CYREN: variants seen among roughly 807,000 people sequenced by gnomAD.
CYREN encodes the protein cell cycle regulator of NHEJ.
A neutral mutation model predicts 9.7 loss-of-function variants in CYREN; 7 were observed. The ratio of observed to expected loss-of-function variants is 0.72; its 90% CI spans 0.41 to 1.36. CYREN has a LOEUF of 1.36. Among genes scored for constraint, CYREN ranks in the 40% most tolerant of loss-of-function variants. The pLI, the probability that CYREN is intolerant of heterozygous loss-of-function variation, is 0.01. For synonymous variants in CYREN, 76 were observed against 77.9 expected, an observed-to-expected ratio of 0.98 and a Z score of 0.13; for missense variants, 215 against 198.1, an observed-to-expected ratio of 1.09 and a Z score of -0.51.
At chr7:135,148,115 C>T (rs1053072629) in intron 2 of CYREN, 28 of 455,658 alleles carry the variant, frequency 6.1e-5, no homozygotes, top group African/African-American at 5.4e-4. Context: ...AAGGGGGCAC[C>T]AGCTCAGGAC....
At chr7:135,169,125 G>C (rs1214747134) in intron 1 of CYREN, 65 bp from the exon 2 acceptor site, 1 of 545,082 alleles carries the variant, frequency 1.8e-6, no homozygotes, top group Non-Finnish European at 3.2e-6. Context: ...GTTACTGGTC[G>C]GTGCAGGGCA....
At chr7:135,168,077 G>A (rs934935622) in intron 2 of CYREN, 10 of 510,614 alleles carry the variant, frequency 2.0e-5, no homozygotes, top group African/African-American at 7.7e-5. Context: ...AAGGATGGCC[G>A]CCTCTGAAAC....
At chr7:135,142,149 C>T (rs1829464184) in intron 2 of CYREN, among the ~76,000 whole-genome samples, 1 of 150,318 alleles carries the variant, frequency 6.7e-6, no homozygotes, top group Non-Finnish European at 1.5e-5. Flanking sequence ...TGTGTCATGA[C>T]AGTAAAAGAA....
chr7:135,123,770 A>T (rs1438566063), intron 2 of CYREN, among the ~76,000 whole-genome samples: 1 of 152,234 alleles, frequency 6.6e-6, no homozygotes, highest in Non-Finnish European at 1.5e-5. Context: ...ATTTCAACCC[A>T]GAATTTCATA....
chr7:135,113,849 T>C (rs1254477175), intron 2 of CYREN, among the ~76,000 whole-genome samples: 1 of 152,194 alleles, frequency 6.6e-6, no homozygotes, highest in Non-Finnish European at 1.5e-5. Flanking sequence ...CCTTCTACTT[T>C]TGTGTCTATG....
chr7:135,142,366 A>T (rs540617127), intron 2 of CYREN, among the ~76,000 whole-genome samples: 1 of 152,180 alleles, frequency 6.6e-6, no homozygotes, highest in South Asian at 2.1e-4. Flanking sequence ...ATTGTAATAC[A>T]GTACGTAATA....
chr7:135,131,878 T>A (rs1446044924), intron 2 of CYREN, among the ~76,000 whole-genome samples: 3 of 152,110 alleles, frequency 2.0e-5, no homozygotes, highest in African/African-American at 7.2e-5. Flanking sequence ...AAATCCTGCA[T>A]ACATCAAAGA....
chr7:135,159,456 G>A (rs925156158), intron 2 of CYREN, among the ~76,000 whole-genome samples: 1 of 152,184 alleles, frequency 6.6e-6, no homozygotes, highest in South Asian at 2.1e-4. Flanking sequence ...TTAATCTCCT[G>A]AGAATACTTT....
At chr7:135,127,029 A>T (rs992866960) in intron 2 of CYREN, among the ~76,000 whole-genome samples, 2 of 152,264 alleles carry the variant, frequency 1.3e-5, no homozygotes, top group Non-Finnish European at 2.9e-5. Flanking sequence ...GGATCTAATT[A>T]TACTAAAGAG....
chr7:135,093,720 G>A (rs1023510751), exon 3 of CYREN: 1 of 152,130 alleles, frequency 6.6e-6, no homozygotes, highest in South Asian at 2.1e-4. Context: ...CTATCAAAAT[G>A]TCAGCTACCT....
At chr7:135,147,961 A>G in intron 2 of CYREN, 1 of 455,048 alleles carries the variant, frequency 2.2e-6, no homozygotes, top group Non-Finnish European at 4.4e-6. Flanking sequence ...TGGACAATAA[A>G]AAGTTGTTTA....
At chr7:135,112,016 C>G (rs988550031) in intron 2 of CYREN, among the ~76,000 whole-genome samples, 3 of 152,088 alleles carry the variant, frequency 2.0e-5, no homozygotes, top group African/African-American at 7.2e-5. Flanking sequence ...AGTGTACTGC[C>G]ATCATCCAGT....
intron 2 of CYREN, among the ~76,000 whole-genome samples, chr7:135,120,952 C>T (rs1008059303): frequency 6.6e-6 from 1 of 152,060 alleles, no homozygotes; most frequent in Non-Finnish European, 1.5e-5. Flanking sequence ...ACCTGTAATC[C>T]CAGCACCTTG....
chr7:135,164,966 T>C (rs749478586), downstream of CYREN: 2 of 1,604,118 alleles, frequency 1.2e-6, no homozygotes, highest in East Asian at 2.2e-5. Context: ...CTCTGAGGGC[T>C]GAGAGGGCTG....
chr7:135,129,379 A>G (rs1441355638), intron 2 of CYREN: 2 of 866,448 alleles, frequency 2.3e-6, no homozygotes, highest in Non-Finnish European at 2.0e-6. Context: ...GATAAGGCCA[A>G]TAAAAGACTT....
chr7:135,142,675 G>C (rs1829475509), intron 2 of CYREN, among the ~76,000 whole-genome samples: 1 of 152,074 alleles, frequency 6.6e-6, no homozygotes, highest in Non-Finnish European at 1.5e-5. Context: ...CTCCTTATAT[G>C]CCAGCAATGA....
At chr7:135,158,599 A>G (rs1829851749) in intron 2 of CYREN, among the ~76,000 whole-genome samples, 1 of 152,154 alleles carries the variant, frequency 6.6e-6, no homozygotes, top group African/African-American at 2.4e-5. Context: ...CAGCCTCATC[A>G]GCCCAAACTC....
chr7:135,149,741 T>A (rs1829625024), intron 2 of CYREN, among the ~76,000 whole-genome samples: 1 of 152,252 alleles, frequency 6.6e-6, no homozygotes, highest in African/African-American at 2.4e-5. Flanking sequence ...TTGGCGTATC[T>A]TTAATTACAT....
At position 135,150,740 on chromosome 7, in the gene CYREN, C is replaced by T. The variant is rs145093654; in HGVS notation, n.356+18009G>A. Among the ~76,000 whole-genome samples the T allele has an allele frequency of 2.3e-3, 352 of 152,242 alleles. 2 individuals carry two copies. The highest frequency in any genetic ancestry group is 7.7e-3 in the African/African-American group (321 of 41,552). ...CAGAAACCAAATGAGATTAGCTGGA[C>T]GTGGTGGCAGGAGGCTGAGGCAGGT... On this transcript the variant is annotated intron_variant and non_coding_transcript_variant, in intron 2 of 2. Transcript: ENST00000459937.
Sources: allele counts gnomAD v4.1 joint callset (sites outside exome capture counted in the v4.1 genomes callset), GRCh38; gene constraint gnomAD v4.1.1; transcripts MANE v1.5; gene names NCBI Gene and HGNC (gene_info 2026-07-23, HGNC 2026-07-21).